The following CLCN7 variants were observed in gnomAD, a reference collection of about 807,000 sequenced individuals.
CLCN7 encodes the protein H(+)/Cl(-) exchange transporter 7.
CLCN7 carries 60 observed loss-of-function variants against 102.1 expected under a neutral mutation model. The ratio of observed to expected loss-of-function variants is 0.59; its 90% CI spans 0.48 to 0.73. CLCN7 has a LOEUF of 0.73. Ranked by LOEUF, CLCN7 falls within the 30% of genes least tolerant of loss-of-function variation. The pLI is 0.00. For missense variants in CLCN7, 962 were observed against 1,125.7 expected, an observed-to-expected ratio of 0.85 and a Z score of 2.08; for synonymous variants, 560 against 490.5, an observed-to-expected ratio of 1.14 and a Z score of -1.87.
chr16:1,452,233 C>T (rs911696782), intron 15 of CLCN7: 8 of 232,828 alleles, frequency 3.4e-5, no homozygotes, highest in African/African-American at 6.8e-5. Flanking sequence ...TGCCCACTCC[C>T]GCCGTGGCAC....
intron 1 of CLCN7, among the ~76,000 whole-genome samples, chr16:1,473,719 C>A (rs565505435): frequency 4.6e-5 from 7 of 152,026 alleles, no homozygotes; most frequent in Non-Finnish European, 1.0e-4. Context: ...AAGGACTAGA[C>A]AAGAGAAAAT....
intron 11 of CLCN7, 120 bp downstream of exon 11, chr16:1,455,611 A>T (rs990971665): frequency 1.8e-6 from 2 of 1,083,734 alleles, no homozygotes; most frequent in African/African-American, 1.5e-5. Context: ...GGCCTGACAG[A>T]CCCACAGGGG....
chr16:1,462,099 A>G (rs1411803078), intron 2 of CLCN7, among the ~76,000 whole-genome samples: 2 of 151,772 alleles, frequency 1.3e-5, no homozygotes, highest in Non-Finnish European at 2.9e-5. Flanking sequence ...AAAAAAAAAA[A>G]AAAGAGAACT....
At chr16:1,451,807 C>T in intron 15 of CLCN7, 91 bp from the exon 16 acceptor site, 1 of 1,046,160 alleles carries the variant, frequency 9.6e-7, no homozygotes, top group Non-Finnish European at 1.4e-6. Context: ...AGGCCGTGTA[C>T]CCTGTGCCTG....
At chr16:1,447,818 A>T in intron 21 of CLCN7, 104 bp from the exon 22 acceptor site, 1 of 1,302,554 alleles carries the variant, frequency 7.7e-7, no homozygotes, top group Non-Finnish European at 1.1e-6. Flanking sequence ...CAGATTTCCC[A>T]TCTGGGCATG....
intron 12 of CLCN7, among the ~76,000 whole-genome samples, 195 bp downstream of exon 12, chr16:1,454,939 G>T (rs992642491): frequency 6.6e-6 from 1 of 152,228 alleles, no homozygotes; most frequent in Non-Finnish European, 1.5e-5. Flanking sequence ...CTGGTCACAT[G>T]GTGCCCTGAC....
chr16:1,474,169 C>A (rs1409909727), intron 1 of CLCN7: 1 of 456,094 alleles, frequency 2.2e-6, no homozygotes, highest in Non-Finnish European at 4.4e-6. Flanking sequence ...ACTGCTCAGA[C>A]GCACGCTGCA....
chr16:1,469,227 CAAAAT>C (rs1234287250), intron 1 of CLCN7, among the ~76,000 whole-genome samples: 3 of 151,678 alleles, frequency 2.0e-5, no homozygotes, highest in African/African-American at 4.8e-5. Context: ...TAAAATAAAA[CAAAAT>C]AAAAGTCAAA....
chr16:1,456,605 G>A lies in CLCN7; in HGVS notation c.823-399C>T, dbSNP rs189653619. 1.1e-3 allele frequency among the ~76,000 whole-genome samples: 163 copies of A among 152,292 alleles called. 1 individual carries two copies. The highest frequency in any genetic ancestry group is 3.1e-3 in the African/African-American group (130 of 41,566). On this transcript the variant is annotated intron_variant, in intron 9 of 24. Coordinates refer to ENST00000382745, the MANE Select transcript of CLCN7 (RefSeq NM_001287.6). The stretch of plus-strand genomic sequence containing the variant: ...TGTCATCCCAGCACTTTGGGAGGCC[G>A]AGGCAGGCGGATCACCTGAGGTCGG...
In CLCN7 at chr16:1,460,303, G is replaced by A. The variant is rs143691607; in HGVS notation, c.594+115C>T. The stretch of plus-strand genomic sequence containing the variant: ...GGACCACGTGATTCTAAAAGTGCCC[G>A]GGTTGTCAGCCAATGTGATGGTGGG... On this transcript the variant is annotated intron_variant, in intron 6 of 24. Transcript: ENST00000382745. 6,777 of 782,550 alleles carry A rather than the reference G, an allele frequency of 8.7e-3. 148 individuals are homozygous for A. Among genetic ancestry groups the A allele is most frequent in the Middle Eastern group, 0.061 (221 of 3,594 alleles). 48.5% of individuals were successfully genotyped at this position (782,550 alleles called of 1,614,324 possible). A position where few individuals can be genotyped will look rare whatever the true frequency, so the allele number is the denominator to read the frequency against.
intron 1 of CLCN7, among the ~76,000 whole-genome samples, chr16:1,465,869 T>C (rs544467215): frequency 1.3e-5 from 2 of 152,308 alleles, no homozygotes; most frequent in African/African-American, 4.8e-5. Context: ...CACCTAAGGC[T>C]TTGCGGCCGC....
chr16:1,447,223 C>A, intron 23 of CLCN7, 137 bp from the exon 24 acceptor site: 1 of 1,162,090 alleles, frequency 8.6e-7, no homozygotes, highest in Non-Finnish European at 1.2e-6. Flanking sequence ...GGCCAGCCCC[C>A]TCAGCCCCTT....
chr16:1,464,604 G>A (rs1440687870), intron 2 of CLCN7, among the ~76,000 whole-genome samples: 1 of 152,244 alleles, frequency 6.6e-6, no homozygotes, highest in African/African-American at 2.4e-5. Flanking sequence ...ACCCGGACAG[G>A]TGGACTGTGA....
chr16:1,463,124 G>A (rs2038961671), intron 2 of CLCN7, among the ~76,000 whole-genome samples: 1 of 152,062 alleles, frequency 6.6e-6, no homozygotes, highest in African/African-American at 2.4e-5. Context: ...GTGAGACCCT[G>A]TCTCAAAAAA....
intron 1 of CLCN7, among the ~76,000 whole-genome samples, chr16:1,474,535 T>C (rs1056849547): frequency 6.6e-6 from 1 of 152,204 alleles, no homozygotes; most frequent in Non-Finnish European, 1.5e-5. Context: ...GGAATGAACG[T>C]GCGCCACGGC....
At chr16:1,468,589 G>A (rs754086362) in intron 1 of CLCN7, among the ~76,000 whole-genome samples, 1 of 152,094 alleles carries the variant, frequency 6.6e-6, no homozygotes, top group Non-Finnish European at 1.5e-5. Flanking sequence ...GGTCCCAAGC[G>A]CCGGACACTA....
In CLCN7 at chr16:1,457,739, C is replaced by T. The variant is rs1358074448; in HGVS notation, c.693G>A (p.Val231=). The change falls in exon 8 of 25, where the codon GTG becomes GTA. Residue 231 remains valine (V), a synonymous_variant. Coordinates refer to ENST00000382745, the MANE Select transcript of CLCN7 (RefSeq NM_001287.6). The surrounding 1 kb of genome is among the most constrained non-coding windows in gnomAD (Gnocchi z 5.4). The part of the protein sequence containing the change: ...VVRLKTLVIK[V]SGVILSVVGG... ...CGACCACGGACAGGATCACACCGGA[C>T]ACTTTGATCACCAACGTCTGAAACA... The T allele has an allele frequency of 8.1e-6, 13 of 1,613,918 alleles. No homozygotes were observed. The highest frequency in any genetic ancestry group is 1.7e-5 in the Admixed American group (1 of 60,038).
At chr16:1,455,038 G>C (rs954773636) in intron 12 of CLCN7, 96 bp downstream of exon 12, 25 of 817,142 alleles carry the variant, frequency 3.1e-5, no homozygotes, top group Admixed American at 8.7e-5. Context: ...ATCAACCAGA[G>C]TTTTCTAAAG....
intron 1 of CLCN7, chr16:1,472,461 C>T (rs955687224): frequency 1.3e-5 from 2 of 152,178 alleles, no homozygotes; most frequent in African/African-American, 4.8e-5. Context: ...GAACTCCTGA[C>T]CTCAGGTGAT....
Sources: gnomAD v4.1 joint callset for allele counts (sites outside exome capture counted in the v4.1 genomes callset) on GRCh38, gnomAD v4.1.1 for gene constraint, Gnocchi (gnomAD v3.1) non-coding constraint, MANE v1.5 for transcripts, NCBI Gene and HGNC (gene_info 2026-07-23, HGNC 2026-07-21) for gene names.